The following GPHN variants were observed in gnomAD, a reference collection of about 807,000 sequenced individuals.
GPHN encodes gephyrin.
GPHN carries 17 observed loss-of-function variants against 95.5 expected under a neutral mutation model. The ratio of observed to expected loss-of-function variants is 0.18; its 90% CI spans 0.12 to 0.27. The LOEUF (loss-of-function observed/expected upper bound fraction) is 0.27. GPHN is among the 10% of genes least tolerant of loss of function. The pLI is 1.00. For missense variants in GPHN, 660 were observed against 978.1 expected (o/e 0.67, Z 4.34); for synonymous variants, 320 against 322.5 (o/e 0.99, Z 0.08).
chr14:67,718,869 G>A, the GPHN span, among the ~76,000 whole-genome samples: 3 of 151,926 alleles, frequency 2.0e-5, no homozygotes. Flanking sequence ...AGCTTTATTT[G>A]TGATACTGCA....
At chr14:66,944,938 G>A (rs2067655279) in intron 8 of GPHN, among the ~76,000 whole-genome samples, 2 of 152,240 alleles carry the variant, frequency 1.3e-5, no homozygotes, top group Admixed American at 1.3e-4. Context: ...TCTTGCGCAT[G>A]CCTGCAGCTG....
At chr14:67,416,397 C>G in the GPHN span, among the ~76,000 whole-genome samples, 1 of 152,128 alleles carries the variant, frequency 6.6e-6, no homozygotes, top group Non-Finnish European at 1.5e-5. Context: ...GGTGAAGTCC[C>G]AGAGTAGCGC....
At chr14:66,561,327 T>C (rs373753605) in intron 1 of GPHN, among the ~76,000 whole-genome samples, 2 of 152,332 alleles carry the variant, frequency 1.3e-5, no homozygotes, top group Admixed American at 6.5e-5. Flanking sequence ...TACCAGTTCC[T>C]CCTTGTACCT....
chr14:67,172,424 T>G (rs1323042249), intron 21 of GPHN, among the ~76,000 whole-genome samples: 1 of 152,116 alleles, frequency 6.6e-6, no homozygotes, highest in East Asian at 1.9e-4. Flanking sequence ...AAAGTAATCA[T>G]GCACTCTAGT....
At chr14:67,651,374 C>T in the GPHN span, 1 of 1,613,538 alleles carries the variant, frequency 6.2e-7, no homozygotes, top group Non-Finnish European at 8.5e-7. Flanking sequence ...CAAACCCTTC[C>T]CTATAGAAGT....
chr14:67,203,096 C>A, the GPHN span: 10 of 1,611,882 alleles, frequency 6.2e-6, no homozygotes, highest in African/African-American at 1.3e-5. Context: ...GCACTCAGGT[C>A]AACAGAAGAG....
At chr14:66,955,824 A>G (rs1388125129) in intron 8 of GPHN, among the ~76,000 whole-genome samples, 3 of 152,082 alleles carry the variant, frequency 2.0e-5, no homozygotes, top group Non-Finnish European at 4.4e-5. Context: ...TTGTCCCTGC[A>G]ATAGTTTGCT....
the GPHN span, among the ~76,000 whole-genome samples, chr14:67,375,282 GTC>G: frequency 2.2e-5 from 3 of 135,238 alleles, no homozygotes; most frequent in South Asian, 4.8e-4. Flanking sequence ...GTGTGTGTGT[GTC>G]ACAAAGTCTT....
intron 4 of GPHN, among the ~76,000 whole-genome samples, chr14:66,855,678 G>A (rs2062773702): frequency 1.3e-5 from 2 of 151,882 alleles, no homozygotes; most frequent in Non-Finnish European, 1.5e-5. Flanking sequence ...TGGCAATTCT[G>A]TGTTTCACAT....
chr14:66,553,271 A>G (rs2059889842), intron 1 of GPHN, among the ~76,000 whole-genome samples: 1 of 152,138 alleles, frequency 6.6e-6, no homozygotes, highest in South Asian at 2.1e-4. Flanking sequence ...GATTATAGGC[A>G]TGAGCTACCG....
chr14:67,024,709 A>G (rs1266380353), intron 10 of GPHN, among the ~76,000 whole-genome samples: 2 of 152,184 alleles, frequency 1.3e-5, no homozygotes, highest in Non-Finnish European at 2.9e-5. Flanking sequence ...GCAGCAATGT[A>G]TGACAGCATG....
chr14:67,267,633 G>A, the GPHN span, among the ~76,000 whole-genome samples: 1 of 152,144 alleles, frequency 6.6e-6, no homozygotes, highest in Non-Finnish European at 1.5e-5. Flanking sequence ...ATAAGATTTA[G>A]GTTTTATGGG....
the GPHN span, chr14:67,541,963 C>T: frequency 6.2e-7 from 1 of 1,607,702 alleles, no homozygotes; most frequent in Non-Finnish European, 8.5e-7. Flanking sequence ...GCCTACAGGC[C>T]AGCAAGATAA....
At chr14:67,295,882 T>C in the GPHN span, among the ~76,000 whole-genome samples, 1 of 152,028 alleles carries the variant, frequency 6.6e-6, no homozygotes, top group Non-Finnish European at 1.5e-5. Flanking sequence ...GAAATGAAAA[T>C]GTGTCCACAG....
rs144413050 is a variant in GPHN, at chr14:67,107,605, G to T, written c.1294-2535G>T. Among the ~76,000 whole-genome samples, 1,274 of 152,254 alleles carry T rather than the reference G, an allele frequency of 8.4e-3. 15 individuals are homozygous for T. The highest frequency in any genetic ancestry group is 0.03 in the South Asian group (145 of 4,826). ...AGCCAGTAGGGCTCAGCAGCAGCTCGGGTCACAGTGGATAAGGTACTGTGT... is the reference window on the plus strand; with the variant it reads ...AGCCAGTAGGGCTCAGCAGCAGCTCTGGTCACAGTGGATAAGGTACTGTGT... On this transcript the variant is annotated intron_variant, in intron 13 of 22. Coordinates refer to ENST00000478722, the MANE Select transcript of GPHN (RefSeq NM_020806.5).
chr14:67,342,548 C>T, the GPHN span, among the ~76,000 whole-genome samples: 3 of 144,192 alleles, frequency 2.1e-5, no homozygotes, highest in Non-Finnish European at 4.5e-5. Flanking sequence ...GTAAGAACTA[C>T]GAATTATCCT....
intron 12 of GPHN, among the ~76,000 whole-genome samples, chr14:67,096,585 A>T (rs2077404168): frequency 6.6e-6 from 1 of 151,724 alleles, no homozygotes; most frequent in African/African-American, 2.4e-5. Context: ...TAATGACATA[A>T]TCTAAGTTAT....
intron 13 of GPHN, among the ~76,000 whole-genome samples, chr14:67,109,549 A>T (rs1224085129): frequency 6.6e-6 from 1 of 152,208 alleles, no homozygotes; most frequent in East Asian, 1.9e-4. Flanking sequence ...CATTACAGAC[A>T]CTGGAATCAT....
chr14:67,711,623 T>C, the GPHN span, among the ~76,000 whole-genome samples: 3 of 152,342 alleles, frequency 2.0e-5, no homozygotes, highest in South Asian at 4.1e-4. Context: ...GTCATGCCAA[T>C]AGAAGTACAT....
Sources: allele counts gnomAD v4.1 joint callset (sites outside exome capture counted in the v4.1 genomes callset), GRCh38; gene constraint gnomAD v4.1.1; transcripts MANE v1.5; gene names NCBI Gene and HGNC (gene_info 2026-07-23, HGNC 2026-07-21).